Variants in VPS13A observed in about 807,000 individuals in gnomAD.
The protein encoded by VPS13A is vacuolar protein sorting 13 homolog A, also known as intermembrane lipid transfer protein VPS13A.
VPS13A carries 264 observed loss-of-function variants against 390.9 expected under a neutral mutation model. The ratio of observed to expected loss-of-function variants is 0.68; its 90% CI spans 0.61 to 0.75. The LOEUF (loss-of-function observed/expected upper bound fraction) is 0.75, where lower values mean the gene tolerates loss of function less well. VPS13A is among the 30% of genes least tolerant of loss of function. VPS13A has a pLI of 0.00. For missense variants in VPS13A, 3,409 were observed against 3,733.9 expected (o/e 0.91, Z 2.27); for synonymous variants, 1,231 against 1,227.1 (o/e 1.00, Z -0.07).
At chr9:77,355,891 A>G (rs533628649) in intron 54 of VPS13A, among the ~76,000 whole-genome samples, 21 of 152,190 alleles carry the variant, frequency 1.4e-4, no homozygotes, top group African/African-American at 4.1e-4. Flanking sequence ...CCATTTTTCA[A>G]CTGGCTTACT....
At chr9:77,411,561 G>T (rs1376380542) in intron 71 of VPS13A, among the ~76,000 whole-genome samples, 1 of 150,544 alleles carries the variant, frequency 6.6e-6, no homozygotes, top group Non-Finnish European at 1.5e-5. Flanking sequence ...TACGCGGGAG[G>T]CTGAGGCAGG....
chr9:77,180,495 A>G (rs927015975), intron 1 of VPS13A, among the ~76,000 whole-genome samples: 1 of 152,188 alleles, frequency 6.6e-6, no homozygotes, highest in Non-Finnish European at 1.5e-5. Context: ...GGCTTTTGGT[A>G]TTCATATCTA....
Position 77,281,877 on chromosome 9 carries a change from A to G in VPS13A, c.2915A>G (p.Asn972Ser). Reference protein sequence around the residue: ...LTLEYVKAEKNVPDLKSTYNN... With the variant: ...LTLEYVKAEKSVPDLKSTYNN... ...TTTCTCTTTGGATAGGCTGAAAAGA[A>G]TGTACCCGACTTGAAAAGTACCTAT... is the stretch of plus-strand genomic sequence containing the variant. Residue 972 changes from asparagine to serine, a missense_variant, in exon 28 of 72, where the codon AAT becomes AGT. Physicochemically the swap from Asn to Ser is conservative, Grantham distance 46. Coordinates refer to ENST00000360280, the MANE Select transcript of VPS13A (RefSeq NM_033305.3). The G allele has an allele frequency of 1.2e-6, 2 of 1,603,324 alleles. No homozygotes were observed. The highest frequency in any genetic ancestry group is 1.7e-6 in the Non-Finnish European group (2 of 1,171,150).
intron 53 of VPS13A, among the ~76,000 whole-genome samples, chr9:77,352,994 A>T (rs182619708): frequency 2.0e-5 from 3 of 152,270 alleles, no homozygotes; most frequent in Admixed American, 2.0e-4. Context: ...ATTGAGATAC[A>T]AGATATTTTT....
intron 36 of VPS13A, 137 bp from the exon 37 acceptor site, chr9:77,314,358 C>T: frequency 2.0e-6 from 2 of 991,922 alleles, no homozygotes; most frequent in Middle Eastern, 3.2e-4. Flanking sequence ...TATTTTTAGC[C>T]TTTCATTAGA....
chr9:77,306,384 C>CAGAG lies in VPS13A; in HGVS notation c.3961-1546_3961-1543dup, dbSNP rs5898532. ...TTATTTCTGTTGTGTTAGGGTTCTC[C>CAGAG]AGAGAGAGAGAGAGAGAGTGTGTGT... On this transcript the variant is annotated intron_variant, in intron 34 of 71. Coordinates refer to ENST00000360280, the MANE Select transcript of VPS13A (RefSeq NM_033305.3). 8.8e-3 allele frequency among the ~76,000 whole-genome samples: 1,261 copies of CAGAG among 142,914 alleles called. 11 individuals carry two copies. Among genetic ancestry groups the CAGAG allele is most frequent in the African/African-American group, 0.017 (632 of 37,506 alleles). The allele number at this position is 142,914 out of a possible 152,430, so 93.8% of individuals were successfully genotyped here. A position where few individuals can be genotyped will look rare whatever the true frequency, so the allele number is the denominator to read the frequency against.
chr9:77,218,437 G>A (rs1157640039), intron 10 of VPS13A, among the ~76,000 whole-genome samples: 1 of 152,234 alleles, frequency 6.6e-6, no homozygotes, highest in Middle Eastern at 3.4e-3. Flanking sequence ...TAATGGAGTT[G>A]AGTTTTTTGT....
rs1442222181 is a variant in VPS13A at position 77,356,718 on chromosome 9, G to A, written c.7657G>A (p.Asp2553Asn). ...ATTTTTGCTTTCTTAAATAAGTTCT[G>A]ATGTGGTTTGGGAAACAAAGCCCAA... ...EVAYIGITSS[D>N]VVWETKPKKK... The change falls in exon 55 of 72, where the codon GAT becomes AAT. Residue 2553 changes from aspartate to asparagine, a missense_variant. Physicochemically the swap from Asp to Asn is conservative, Grantham distance 23 (BLOSUM62 1). This residue lies in a region of VPS13A where 221 missense variants were observed against 300.7 expected (regional missense o/e 0.73). Transcript: ENST00000360280. 1 of 1,610,360 alleles carries A rather than the reference G, an allele frequency of 6.2e-7. No homozygotes were observed.
intron 40 of VPS13A, among the ~76,000 whole-genome samples, 179 bp from the exon 41 acceptor site, chr9:77,318,056 T>G (rs1829510750): frequency 6.6e-6 from 1 of 151,950 alleles, no homozygotes. Context: ...AAGATTCATG[T>G]AAACACATAA....
Position 77,371,033 on chromosome 9 carries a change from A to G in VPS13A, c.8961A>G (p.Gln2987=), listed in dbSNP as rs556301839. 6.2e-7 allele frequency: 1 copy of G among 1,614,068 alleles called. No homozygotes were observed. Among genetic ancestry groups the G allele is most frequent in the African/African-American group, 1.3e-5 (1 of 74,934 alleles). ...ACTCTTTTTTCTTTCCAGGAGCTCA[A>G]AAAGGAGGAGCAGCTGGTTTCTTTA... ...GIVTKPIKGA[Q]KGGAAGFFKG... The change falls in exon 67 of 72, where the codon CAA becomes CAG. Residue 2987 remains glutamine (Q), a synonymous_variant. Coordinates refer to ENST00000360280, the MANE Select transcript of VPS13A (RefSeq NM_033305.3).
intron 51 of VPS13A, among the ~76,000 whole-genome samples, chr9:77,344,615 C>T (rs563235864): frequency 2.6e-5 from 4 of 152,054 alleles, no homozygotes; most frequent in South Asian, 2.1e-4. Flanking sequence ...AAAAATTAGC[C>T]GGGCGTGGTG....
At chr9:77,179,507 G>A (rs1823873109) in intron 1 of VPS13A, among the ~76,000 whole-genome samples, 1 of 152,192 alleles carries the variant, frequency 6.6e-6, no homozygotes, top group South Asian at 2.1e-4. Context: ...GGGATTACAG[G>A]CGTGAGCCAC....
At chr9:77,315,846 A>G (rs1829350739) in intron 38 of VPS13A, among the ~76,000 whole-genome samples, 1 of 152,022 alleles carries the variant, frequency 6.6e-6, no homozygotes, top group Admixed American at 6.6e-5. Context: ...TGTTGTATTT[A>G]TTCCTAGCTT....
chr9:77,205,996 T>C lies in VPS13A; in HGVS notation c.302T>C (p.Leu101Ser). Residue 101 changes from leucine to serine, a missense_variant, in exon 5 of 72, where the codon TTA becomes TCA. Around this residue, in one of 5 missense-constraint regions of VPS13A, gnomAD observed 2,717 missense variants for 2,917.4 expected, o/e 0.93. Transcript: ENST00000360280. ...CCTATAGGAATAAAATATGATCCTT[T>C]AAAAGAAGAGAAACAACTCATGGAA... Reference protein sequence around the residue: ...VPSSRIKYDPLKEEKQLMEAK... With the variant: ...VPSSRIKYDPSKEEKQLMEAK... 7 of 1,574,324 alleles carry C rather than the reference T, an allele frequency of 4.4e-6. No individual in the cohort carries two copies. The highest frequency in any genetic ancestry group is 6.0e-6 in the Non-Finnish European group (7 of 1,157,522).
At chr9:77,369,469 A>G (rs1199168997) in intron 63 of VPS13A, 57 bp downstream of exon 63, 1 of 1,112,514 alleles carries the variant, frequency 9.0e-7, no homozygotes, top group East Asian at 2.4e-5. Flanking sequence ...TGAATAGATA[A>G]TACTTTTCTA....
chr9:77,333,657 T>G (rs1419605669), intron 46 of VPS13A, among the ~76,000 whole-genome samples: 1 of 152,002 alleles, frequency 6.6e-6, no homozygotes. Context: ...AGGTATTCTT[T>G]TAATCTAGTA....
At position 77,390,024 on chromosome 9, in the gene VPS13A, G is replaced by A. The variant is rs1046282331; in HGVS notation, c.9189+7937G>A. On this transcript the variant is annotated intron_variant, in intron 68 of 71. Coordinates refer to ENST00000360280, the MANE Select transcript of VPS13A (RefSeq NM_033305.3). The stretch of plus-strand genomic sequence containing the variant: ...TGGAAGATAACTGCCGTCAGCCGAC[G>A]TGGTCTTTCCCTTTACTTCAGGAGG... 9 of 963,332 alleles carry A rather than the reference G, an allele frequency of 9.3e-6. No homozygotes were observed. In the East Asian group the frequency reaches 6.9e-4, roughly 74 times the overall value. 59.7% of individuals were successfully genotyped at this position (963,332 alleles called of 1,614,324 possible). A position where few individuals can be genotyped will look rare whatever the true frequency, so the allele number is the denominator to read the frequency against.
intron 1 of VPS13A, among the ~76,000 whole-genome samples, chr9:77,194,273 C>T (rs1824856345): frequency 6.6e-6 from 1 of 151,428 alleles, no homozygotes; most frequent in Non-Finnish European, 1.5e-5. Flanking sequence ...TGGTGGCTGT[C>T]GGGAAGTGCT....
At chr9:77,318,863 G>A (rs989656296) in intron 41 of VPS13A, among the ~76,000 whole-genome samples, 3 of 151,728 alleles carry the variant, frequency 2.0e-5, no homozygotes, top group Admixed American at 6.6e-5. Flanking sequence ...TATATTATTC[G>A]ACAGTTGTTG....
Sources: allele counts gnomAD v4.1 joint callset (sites outside exome capture counted in the v4.1 genomes callset), GRCh38; gene constraint gnomAD v4.1.1; regional missense constraint gnomAD v4.1.1; transcripts MANE v1.5; gene names NCBI Gene and HGNC (gene_info 2026-07-23, HGNC 2026-07-21).